The following PALD1 variants were observed in gnomAD, a reference collection of about 807,000 sequenced individuals.
PALD1 encodes the protein phosphatase domain containing paladin 1.
PALD1 carries 57 observed loss-of-function variants against 96.0 expected under a neutral mutation model. The ratio of observed to expected loss-of-function variants is 0.59; its 90% CI spans 0.48 to 0.74. The LOEUF (loss-of-function observed/expected upper bound fraction) is 0.74. Among genes scored for constraint, PALD1 ranks in the 30% least tolerant of loss-of-function variants. The pLI is 0.00. For synonymous variants in PALD1, 464 were observed against 473.6 expected (o/e 0.98, Z 0.26); for missense variants, 1,063 against 1,143.7 (o/e 0.93, Z 1.02).
chr10:70,523,476 G>A (rs1447892178), intron 1 of PALD1, among the ~76,000 whole-genome samples: 1 of 152,086 alleles, frequency 6.6e-6, no homozygotes, highest in Non-Finnish European at 1.5e-5. Context: ...GATGAGGGCC[G>A]TTTGGGGCCT....
chr10:70,467,291 T>C, the PALD1 span, among the ~76,000 whole-genome samples: 64 of 151,526 alleles, frequency 4.2e-4, 1 homozygote, highest in East Asian at 8.4e-3. Flanking sequence ...CCTTTGAAAG[T>C]CCTGGAATGT....
chr10:70,463,073 T>C, the PALD1 span, among the ~76,000 whole-genome samples: 3 of 152,296 alleles, frequency 2.0e-5, no homozygotes, highest in South Asian at 6.2e-4. Context: ...ACCCAGCACA[T>C]TGTAGGTCTC....
chr10:70,515,691 G>A (rs532343903), intron 1 of PALD1, among the ~76,000 whole-genome samples: 1 of 152,290 alleles, frequency 6.6e-6, no homozygotes, highest in South Asian at 2.1e-4. Context: ...CACATTCACT[G>A]ATTTCATCTT....
At chr10:70,493,862 C>T (rs1328848016) in intron 1 of PALD1, among the ~76,000 whole-genome samples, 3 of 152,234 alleles carry the variant, frequency 2.0e-5, no homozygotes, top group Non-Finnish European at 4.4e-5. Flanking sequence ...GGTTTCTGCC[C>T]TTGTCCCCAA....
intron 1 of PALD1, among the ~76,000 whole-genome samples, chr10:70,492,107 A>G (rs1236688565): frequency 6.6e-6 from 1 of 152,170 alleles, no homozygotes; most frequent in Non-Finnish European, 1.5e-5. Context: ...TCTCTTGGGT[A>G]TATACTTAGC....
chr10:70,529,235 C>G lies in PALD1; in HGVS notation c.192C>G (p.Asn64Lys). 1.3e-6 allele frequency: 1 copy of G among 771,026 alleles called. No individual in the cohort carries two copies. Among genetic ancestry groups the G allele is most frequent in the Non-Finnish European group, 2.0e-6 (1 of 494,792 alleles). 47.8% of individuals were successfully genotyped at this position (771,026 alleles called of 1,614,324 possible). The change falls in exon 3 of 20, where the codon AAC (asparagine) becomes AAG (lysine). Residue 64 changes from asparagine to lysine, a missense_variant. Coordinates refer to ENST00000263563, the MANE Select transcript of PALD1 (RefSeq NM_014431.3). ...CCCCCCCCCCCCCCCCCAGGTACAACTGCAAGGAGGAGTTCCAGATCCATG... is the reference window on the plus strand; with the variant it reads ...CCCCCCCCCCCCCCCCCAGGTACAAGTGCAAGGAGGAGTTCCAGATCCATG... ...NKVAPVVITY[N>K]CKEEFQIHDE...
intron 1 of PALD1, among the ~76,000 whole-genome samples, chr10:70,504,343 A>G (rs1564688652): frequency 1.3e-5 from 2 of 152,222 alleles, no homozygotes; most frequent in South Asian, 4.1e-4. Context: ...CCTGGCCAAC[A>G]TAGTGAAACC....
chr10:70,487,623 C>T (rs558406462), intron 1 of PALD1, among the ~76,000 whole-genome samples: 63 of 152,112 alleles, frequency 4.1e-4, no homozygotes, highest in African/African-American at 1.4e-3. Context: ...AACATTTTAT[C>T]ACCCTAAAGG....
intron 1 of PALD1, among the ~76,000 whole-genome samples, chr10:70,480,464 A>AC (rs1160785188): frequency 3.2e-4 from 49 of 150,784 alleles, no homozygotes; most frequent in African/African-American, 1.1e-3. Context: ...TGGTGCATGC[A>AC]CCCCCCTCCC....
At chr10:70,521,229 C>A (rs752089415) in intron 1 of PALD1, among the ~76,000 whole-genome samples, 4 of 152,040 alleles carry the variant, frequency 2.6e-5, no homozygotes, top group Non-Finnish European at 5.9e-5. Context: ...TTGTTCAGAT[C>A]CAAGAGGGAA....
At chr10:70,554,126 G>T (rs1847541521) in intron 18 of PALD1, among the ~76,000 whole-genome samples, 1 of 152,174 alleles carries the variant, frequency 6.6e-6, no homozygotes, top group South Asian at 2.1e-4. Context: ...GATGCTTGGG[G>T]CATTTTAAGA....
chr10:70,472,409 T>C, the PALD1 span, among the ~76,000 whole-genome samples: 1 of 152,078 alleles, frequency 6.6e-6, no homozygotes, highest in African/African-American at 2.4e-5. Flanking sequence ...TATAGGTGCC[T>C]GCCACCATGC....
At chr10:70,483,699 C>T (rs563167519) in intron 1 of PALD1, among the ~76,000 whole-genome samples, 2 of 152,314 alleles carry the variant, frequency 1.3e-5, no homozygotes, top group Admixed American at 6.5e-5. Context: ...AGGCCTGGGA[C>T]GCTGGGACAT....
At chr10:70,463,727 TA>T in the PALD1 span, among the ~76,000 whole-genome samples, 1 of 151,618 alleles carries the variant, frequency 6.6e-6, no homozygotes, top group Non-Finnish European at 1.5e-5. Flanking sequence ...AGAATTACAA[TA>T]GGGGGATGCA....
intron 1 of PALD1, among the ~76,000 whole-genome samples, chr10:70,498,273 C>A (rs531419676): frequency 6.6e-6 from 1 of 152,206 alleles, no homozygotes; most frequent in Admixed American, 6.5e-5. Flanking sequence ...AAAATGTTAA[C>A]ATTTATTTTA....
intron 18 of PALD1, among the ~76,000 whole-genome samples, chr10:70,561,027 C>T (rs897084994): frequency 2.0e-5 from 3 of 152,194 alleles, no homozygotes; most frequent in African/African-American, 7.2e-5. Flanking sequence ...AAGATGTGCC[C>T]TCGGAACCTT....
chr10:70,501,522 A>C (rs1027520605), intron 1 of PALD1, among the ~76,000 whole-genome samples: 8 of 152,030 alleles, frequency 5.3e-5, no homozygotes, highest in Non-Finnish European at 8.8e-5. Context: ...TTCCCATGAG[A>C]AGGTGTTGAG....
chr10:70,545,189 G>T (rs1363520717), intron 17 of PALD1, among the ~76,000 whole-genome samples: 1 of 150,840 alleles, frequency 6.6e-6, no homozygotes, highest in Non-Finnish European at 1.5e-5. Context: ...GTGGGGGTAG[G>T]TGGTGGGAGG....
intron 18 of PALD1, among the ~76,000 whole-genome samples, chr10:70,555,331 G>A (rs1047012198): frequency 1.3e-5 from 2 of 152,094 alleles, no homozygotes; most frequent in African/African-American, 2.4e-5. Flanking sequence ...CAGACAGATG[G>A]TGAGAACAGG....
Sources: allele counts gnomAD v4.1 joint callset (sites outside exome capture counted in the v4.1 genomes callset), GRCh38; gene constraint gnomAD v4.1.1; transcripts MANE v1.5; gene names NCBI Gene and HGNC (gene_info 2026-07-23, HGNC 2026-07-21).